Variants in RRP7A observed in about 807,000 individuals in gnomAD.
RRP7A encodes ribosomal RNA-processing protein 7 homolog A.
Under a neutral mutation model 38.4 loss-of-function variants are expected in RRP7A, and 27 were observed. The observed-to-expected ratio is 0.70, with a 90% CI of 0.52 to 0.97. The LOEUF (loss-of-function observed/expected upper bound fraction) is 0.97, where lower values mean the gene tolerates loss of function less well. Ranked by LOEUF, RRP7A falls within the 50% of genes least tolerant of loss-of-function variation. The pLI, the probability that RRP7A is intolerant of heterozygous loss-of-function variation, is 0.00. For synonymous variants in RRP7A, 124 were observed against 150.3 expected, an observed-to-expected ratio of 0.83 and a Z score of 1.28; for missense variants, 327 against 375.4, an observed-to-expected ratio of 0.87 and a Z score of 1.07.
chr22:42,517,988 G>C lies in RRP7A; in HGVS notation c.216+17C>G, dbSNP rs370491458. 5 of 1,610,198 alleles carry C rather than the reference G, an allele frequency of 3.1e-6. No individual in the cohort carries two copies. Among genetic ancestry groups the C allele is most frequent in the Non-Finnish European group, 3.4e-6 (4 of 1,178,078 alleles). ...CCTTGAGCCCACAGGTCTCCTCCCA[G>C]ACAGACACTAGCTCACCTCTGTGCA... On this transcript the variant is annotated intron_variant, in intron 2 of 6. Coordinates refer to ENST00000323013, the MANE Select transcript of RRP7A (RefSeq NM_015703.5).
intron 2 of RRP7A, 57 bp from the exon 3 acceptor site, chr22:42,516,193 C>T: frequency 6.2e-7 from 1 of 1,603,580 alleles, no homozygotes; most frequent in South Asian, 1.1e-5. Flanking sequence ...CCCAAAGCCT[C>T]CCTGCACCAT....
chr22:42,511,969 A>G lies in RRP7A; in HGVS notation c.*941T>C. On this transcript the variant is annotated 3_prime_UTR_variant, in exon 7 of 7. Coordinates refer to ENST00000323013, the MANE Select transcript of RRP7A (RefSeq NM_015703.5). ...GGTGCTATGGACTGTCGGGGCTCCAAGGAGCCGAGTGTGGGGGAAACTCAC... is the reference window on the plus strand; with the variant it reads ...GGTGCTATGGACTGTCGGGGCTCCAGGGAGCCGAGTGTGGGGGAAACTCAC... 1.4e-6 allele frequency: 1 copy of G among 694,052 alleles called. No individual in the cohort carries two copies. The highest frequency in any genetic ancestry group is 2.6e-6 in the Non-Finnish European group (1 of 386,910). The allele number at this position is 694,052 out of a possible 1,614,324, so 43.0% of individuals were successfully genotyped here. A position where few individuals can be genotyped will look rare whatever the true frequency, so the allele number is the denominator to read the frequency against.
At position 42,511,675 on chromosome 22, in the gene RRP7A, CA is replaced by C. The variant is rs1932465837; in HGVS notation, c.*1234del. On this transcript the variant is annotated 3_prime_UTR_variant, in exon 7 of 7. Transcript: ENST00000323013. The stretch of plus-strand genomic sequence containing the variant: ...TGCAGTTTTCTTGGCGTTGTCACCA[CA>C]AAAGGAAGAAGCCCACCTGTGGCTG... The C allele has an allele frequency of 5.8e-6, 1 of 172,618 alleles. No individual in the cohort carries two copies. Among genetic ancestry groups the C allele is most frequent in the South Asian group, 1.3e-4 (1 of 7,596 alleles). The allele number at this position is 172,618 out of a possible 1,614,324, so 10.7% of individuals were successfully genotyped here.
chr22:42,509,163 G>C lies in RRP7A; in HGVS notation c.*3747C>G. On this transcript the variant is annotated 3_prime_UTR_variant, in exon 7 of 7. Coordinates refer to ENST00000323013, the MANE Select transcript of RRP7A (RefSeq NM_015703.5). ...ACCCCCCAAGGAGACATGGGCGCCAGGAATCTCTGGGAGGGGGCCCTGGCA... is the reference window on the plus strand; with the variant it reads ...ACCCCCCAAGGAGACATGGGCGCCACGAATCTCTGGGAGGGGGCCCTGGCA... 1.2e-6 allele frequency: 2 copies of C among 1,610,974 alleles called. No homozygotes were observed. The highest frequency in any genetic ancestry group is 2.2e-5 in the South Asian group (2 of 90,866).
rs1932387893 is a variant in RRP7A, at chr22:42,509,778, A to G, written c.*3132T>C. Among the ~76,000 whole-genome samples the G allele has an allele frequency of 8.3e-6, 1 of 120,510 alleles. No homozygotes were observed. The highest frequency in any genetic ancestry group is 2.9e-5 in the African/African-American group (1 of 34,692). 79.1% of individuals were successfully genotyped at this position (120,510 alleles called of 152,430 possible). On this transcript the variant is annotated 3_prime_UTR_variant, in exon 7 of 7. Transcript: ENST00000323013. ...GCTGCATTCACGTTCAAGTCCAAATAGGACACACGGCAGAGACAAAGCCAG... is the reference window on the plus strand; with the variant it reads ...GCTGCATTCACGTTCAAGTCCAAATGGGACACACGGCAGAGACAAAGCCAG...
At chr22:42,517,446 A>G (rs1920933592) in intron 2 of RRP7A, among the ~76,000 whole-genome samples, 1 of 152,012 alleles carries the variant, frequency 6.6e-6, no homozygotes, top group Non-Finnish European at 1.5e-5. Flanking sequence ...GGACATGTAC[A>G]ATCTGGAAGA....
Position 42,516,106 on chromosome 22 carries a change from C to T in RRP7A, c.247G>A (p.Gly83Ser), listed in dbSNP as rs760591380. ...ESLSRLLSTC[G>S]LVQSVELQEK... ...TGCAACTCTACAGACTGGACGAGGCCACAGGTGGACAGGAGGCGGGACAGG... is the reference window on the plus strand; with the variant it reads ...TGCAACTCTACAGACTGGACGAGGCTACAGGTGGACAGGAGGCGGGACAGG... Residue 83 changes from glycine to serine, a missense_variant, in exon 3 of 7, where the codon GGC (glycine) becomes AGC (serine). Around this residue, in one of 5 missense-constraint regions of RRP7A, gnomAD observed 183 missense variants for 141.8 expected, o/e 1.29. Coordinates refer to ENST00000323013, the MANE Select transcript of RRP7A (RefSeq NM_015703.5). 1 of 1,613,722 alleles carries T rather than the reference C, an allele frequency of 6.2e-7. No homozygotes were observed. The highest frequency in any genetic ancestry group is 2.2e-5 in the East Asian group (1 of 44,848).
At position 42,511,797 on chromosome 22, in the gene RRP7A, C is replaced by T. The variant is rs1005249822; in HGVS notation, c.*1113G>A. ...AGTCTGCAGGCTGCTCACGTCATCT[C>T]ATTATCTTTTCTCACGAGGACTACT... is the stretch of plus-strand genomic sequence containing the variant. On this transcript the variant is annotated 3_prime_UTR_variant, in exon 7 of 7. Coordinates refer to ENST00000323013, the MANE Select transcript of RRP7A (RefSeq NM_015703.5). The T allele has an allele frequency of 1.3e-4, 39 of 301,238 alleles. 1 individual carries two copies. Among genetic ancestry groups the T allele is most frequent in the Non-Finnish European group, 2.4e-4 (37 of 157,190 alleles). The allele number at this position is 301,238 out of a possible 1,614,324, so 18.7% of individuals were successfully genotyped here.
Position 42,511,381 on chromosome 22 carries a change from G to T in RRP7A, c.*1529C>A, listed in dbSNP as rs1932457104. The T allele has an allele frequency of 6.6e-6, 1 of 152,252 alleles. No individual in the cohort carries two copies. The highest frequency in any genetic ancestry group is 6.5e-5 in the Admixed American group (1 of 15,274). The allele number at this position is 152,252 out of a possible 1,614,324, so 9.4% of individuals were successfully genotyped here. A position where few individuals can be genotyped will look rare whatever the true frequency, so the allele number is the denominator to read the frequency against. On this transcript the variant is annotated 3_prime_UTR_variant, in exon 7 of 7. Coordinates refer to ENST00000323013, the MANE Select transcript of RRP7A (RefSeq NM_015703.5). ...TAAGAGATGGGGGTTCACCATGTTGGCCAGGCTGGTCTCAAACTCCTGACC... is the reference window on the plus strand; with the variant it reads ...TAAGAGATGGGGGTTCACCATGTTGTCCAGGCTGGTCTCAAACTCCTGACC...
rs538822796 is a variant in RRP7A at position 42,510,703 on chromosome 22, A to G, written c.*2207T>C. ...AGTCCCTGTCGTTCATGATAGACAC[A>G]ATGAAATCCACCCTCAAAGAGGTAA... On this transcript the variant is annotated 3_prime_UTR_variant, in exon 7 of 7. Transcript: ENST00000323013. 176 of 1,506,124 alleles carry G rather than the reference A, an allele frequency of 1.2e-4. No individual in the cohort carries two copies. Among genetic ancestry groups the G allele is most frequent in the South Asian group, 2.5e-4 (21 of 84,376 alleles). 93.3% of individuals were successfully genotyped at this position (1,506,124 alleles called of 1,614,324 possible). A position where few individuals can be genotyped will look rare whatever the true frequency, so the allele number is the denominator to read the frequency against.
chr22:42,510,293 A>C lies in RRP7A; in HGVS notation c.*2617T>G. ...GTAGACTTTCAATGGGAGGATTGTGAAGACATAAATTCTCTCTCAGAGCAA... is the reference window on the plus strand; with the variant it reads ...GTAGACTTTCAATGGGAGGATTGTGCAGACATAAATTCTCTCTCAGAGCAA... On this transcript the variant is annotated 3_prime_UTR_variant, in exon 7 of 7. Coordinates refer to ENST00000323013, the MANE Select transcript of RRP7A (RefSeq NM_015703.5). The C allele has an allele frequency of 6.4e-6, 1 of 156,708 alleles. No individual in the cohort carries two copies. The highest frequency in any genetic ancestry group is 1.4e-5 in the Non-Finnish European group (1 of 71,014). 9.7% of individuals were successfully genotyped at this position (156,708 alleles called of 1,614,324 possible).
At position 42,518,085 on chromosome 22, in the gene RRP7A, CG is replaced by C. The variant is rs1555987996; in HGVS notation, c.135del (p.His45GlnfsTer44). ...GTGGACTTGGTGCCTTGTCGAACGC[CG>C]TGTGCTCTCACATAGAGGTAGTGAG... The part of the protein sequence containing the change: ...QASHYLYVRA[H>X]GVRQGTKSTW... On this transcript the variant is annotated frameshift_variant, in exon 2 of 7. Transcript: ENST00000323013. LOFTEE classifies it high-confidence loss of function. 1 of 1,613,952 alleles carries C rather than the reference CG, an allele frequency of 6.2e-7. No individual in the cohort carries two copies. Among genetic ancestry groups the C allele is most frequent in the African/African-American group, 1.3e-5 (1 of 74,926 alleles).
rs1020562964 is a variant in RRP7A, at chr22:42,510,377, A to G, written c.*2533T>C. 5 of 201,676 alleles carry G rather than the reference A, an allele frequency of 2.5e-5. No individual in the cohort carries two copies. Among genetic ancestry groups the G allele is most frequent in the African/African-American group, 1.2e-4 (5 of 43,010 alleles). The allele number at this position is 201,676 out of a possible 1,614,324, so 12.5% of individuals were successfully genotyped here. A position where few individuals can be genotyped will look rare whatever the true frequency, so the allele number is the denominator to read the frequency against. Reference sequence around the variant, plus strand: ...CTGCTGTTCAGGGCTGACTGTGACCAAGTCCTGAACTCCCTGCGCCCCAGC... The same window carrying G: ...CTGCTGTTCAGGGCTGACTGTGACCGAGTCCTGAACTCCCTGCGCCCCAGC... On this transcript the variant is annotated 3_prime_UTR_variant, in exon 7 of 7. Coordinates refer to ENST00000323013, the MANE Select transcript of RRP7A (RefSeq NM_015703.5).
intron 1 of RRP7A, among the ~76,000 whole-genome samples, chr22:42,519,318 G>A (rs372172774): frequency 5.9e-4 from 90 of 151,694 alleles, no homozygotes; most frequent in African/African-American, 1.9e-3. Context: ...AGAGGAGAAG[G>A]AGGGCAACCG....
intron 6 of RRP7A, 53 bp downstream of exon 6, chr22:42,514,053 C>A (rs1270999472): frequency 1.3e-6 from 2 of 1,547,870 alleles, no homozygotes; most frequent in Non-Finnish European, 1.8e-6. Context: ...CAGGCCTCAT[C>A]CGTGGCTGGG....
chr22:42,517,342 TAAAAAAAAAAAAAAAAA>T (rs71184902), intron 2 of RRP7A, among the ~76,000 whole-genome samples: 2 of 117,532 alleles, frequency 1.7e-5, no homozygotes, highest in Non-Finnish European at 1.8e-5. Flanking sequence ...TTAGTTTTTG[TAAAAAAAAAAAAAAAAA>T]AAAAAAATTA....
chr22:42,509,081 G>A lies in RRP7A; in HGVS notation c.*3829C>T, dbSNP rs1248927229. 8 of 1,613,944 alleles carry A rather than the reference G, an allele frequency of 5.0e-6. No homozygotes were observed. The highest frequency in any genetic ancestry group is 6.8e-6 in the Non-Finnish European group (8 of 1,179,800). ...GGGAGCTGTGTGCGCATTCCATCAG[G>A]AAGCTGCAGGCCCATGTCCTGTTGA... On this transcript the variant is annotated 3_prime_UTR_variant, in exon 7 of 7. Transcript: ENST00000323013.
rs1268940341 is a variant in RRP7A, at chr22:42,514,335, G to A, written c.559-31C>T. ...AGGAAGGTGATCCCATCCTCCGGTG[G>A]GACCTCCTGCAGCCTCCAGCAGCGC... On this transcript the variant is annotated intron_variant, in intron 5 of 6. Transcript: ENST00000323013. 8.0e-6 allele frequency: 12 copies of A among 1,494,362 alleles called. No homozygotes were observed. In the African/African-American group the frequency reaches 9.6e-5, roughly 12 times the overall value. 92.6% of individuals were successfully genotyped at this position (1,494,362 alleles called of 1,614,324 possible).
At position 42,514,621 on chromosome 22, in the gene RRP7A, C is replaced by A. The variant is rs553385665; in HGVS notation, c.558+61G>T. The A allele has an allele frequency of 4.9e-6, 7 of 1,416,646 alleles. No individual in the cohort carries two copies. The East Asian group carries it at 9.6e-5, about 19-fold the overall frequency. 87.8% of individuals were successfully genotyped at this position (1,416,646 alleles called of 1,614,324 possible). ...GGCCACCACTGCCCTCCCTCTGGGG[C>A]GCCACCTTCCCACAGCCACACGGGC... On this transcript the variant is annotated intron_variant, in intron 5 of 6. Coordinates refer to ENST00000323013, the MANE Select transcript of RRP7A (RefSeq NM_015703.5).
Sources: gnomAD v4.1 joint callset for allele counts (sites outside exome capture counted in the v4.1 genomes callset) on GRCh38, gnomAD v4.1.1 for gene constraint, gnomAD v4.1.1 regional missense constraint, MANE v1.5 for transcripts, NCBI Gene and HGNC (gene_info 2026-07-23, HGNC 2026-07-21) for gene names.